SAMD5: variants seen among roughly 807,000 people sequenced by gnomAD.
The protein encoded by SAMD5 is sterile alpha motif domain containing 5.
A neutral mutation model predicts 11.3 loss-of-function variants in SAMD5; 13 were observed. The observed-to-expected ratio is 1.15, with a 90% CI of 0.75 to 1.83. The LOEUF is 1.83. Ranked by LOEUF, SAMD5 falls within the 40% of genes most tolerant of loss-of-function variation. SAMD5 has a pLI of 0.00. For synonymous variants in SAMD5, 129 were observed against 111.3 expected, an observed-to-expected ratio of 1.16 and a Z score of -1.00; for missense variants, 255 against 239.1, an observed-to-expected ratio of 1.07 and a Z score of -0.44.
chr6:147,576,222 C>A (rs2128445803), intron 1 of SAMD5, among the ~76,000 whole-genome samples: 1 of 151,292 alleles, frequency 6.6e-6, no homozygotes, highest in African/African-American at 2.4e-5. Flanking sequence ...CTCACTGCAA[C>A]CTCTACCTCC....
chr6:147,920,765 T>C, the SAMD5 span, among the ~76,000 whole-genome samples: 1 of 152,186 alleles, frequency 6.6e-6, no homozygotes, highest in Non-Finnish European at 1.5e-5. Flanking sequence ...GGCATTACTG[T>C]TCAGGCAATG....
At chr6:147,776,885 A>G in the SAMD5 span, among the ~76,000 whole-genome samples, 3 of 152,186 alleles carry the variant, frequency 2.0e-5, no homozygotes, top group Non-Finnish European at 4.4e-5. Context: ...CTCAATTGCT[A>G]TTGCTTAAGT....
At chr6:147,608,142 T>A in intron 1 of SAMD5, among the ~76,000 whole-genome samples, 1 of 152,260 alleles carries the variant, frequency 6.6e-6, no homozygotes, top group South Asian at 2.1e-4. Context: ...CAATAACACA[T>A]GCTGGTGAGG....
chr6:147,885,618 G>A, the SAMD5 span, among the ~76,000 whole-genome samples: 1 of 152,120 alleles, frequency 6.6e-6, no homozygotes, highest in Admixed American at 6.6e-5. Context: ...AGCAGGATTA[G>A]AGCCACAAAG....
the SAMD5 span, among the ~76,000 whole-genome samples, chr6:147,926,598 A>G: frequency 6.6e-6 from 1 of 151,934 alleles, no homozygotes; most frequent in Admixed American, 6.6e-5. Context: ...GTATGGTTTG[A>G]AAATATGTTC....
the SAMD5 span, among the ~76,000 whole-genome samples, chr6:147,873,269 C>T: frequency 2.0e-5 from 3 of 151,552 alleles, no homozygotes; most frequent in Non-Finnish European, 2.9e-5. Flanking sequence ...CCCAGCTACT[C>T]GGGAGGCTGA....
chr6:147,509,352 G>C lies in SAMD5; in HGVS notation c.424G>C (p.Gly142Arg). ...GATCAGGGATAAGCTCGTCCGTGACGGCATCCACCTGAGCAAGCCCCCGTA... is the reference window on the plus strand; with the variant it reads ...GATCAGGGATAAGCTCGTCCGTGACCGCATCCACCTGAGCAAGCCCCCGTA... ...IMIRDKLVRD[G>R]IHLSKPPYSR... Residue 142 changes from glycine to arginine, a missense_variant, in exon 1 of 2, where the codon GGC (glycine) becomes CGC (arginine). Transcript: ENST00000367474. The C allele has an allele frequency of 6.3e-7, 1 of 1,576,236 alleles. No homozygotes were observed.
At chr6:147,728,221 T>C (rs1791657510) in intron 1 of SAMD5, among the ~76,000 whole-genome samples, 1 of 151,554 alleles carries the variant, frequency 6.6e-6, no homozygotes, top group Non-Finnish European at 1.5e-5. Flanking sequence ...AGGTCAGGAG[T>C]TTGAGACCAG....
At chr6:147,755,259 A>T in the SAMD5 span, among the ~76,000 whole-genome samples, 1 of 152,000 alleles carries the variant, frequency 6.6e-6, no homozygotes, top group South Asian at 2.1e-4. Flanking sequence ...GGTTTTCATT[A>T]TAGAGATCTT....
the SAMD5 span, among the ~76,000 whole-genome samples, chr6:147,805,704 G>A: frequency 6.6e-6 from 1 of 152,100 alleles, no homozygotes; most frequent in African/African-American, 2.4e-5. Context: ...GCAAGATAGA[G>A]TAAAAGCTAC....
At chr6:147,864,675 G>A in the SAMD5 span, among the ~76,000 whole-genome samples, 4 of 152,156 alleles carry the variant, frequency 2.6e-5, no homozygotes, top group African/African-American at 9.7e-5. Flanking sequence ...TATTTGTTGT[G>A]GTGTGTGAAT....
At chr6:147,889,943 A>G in the SAMD5 span, among the ~76,000 whole-genome samples, 1 of 152,150 alleles carries the variant, frequency 6.6e-6, no homozygotes, top group Non-Finnish European at 1.5e-5. Context: ...TGGTGTCCCT[A>G]AACTCCAAAC....
Position 147,559,630 on chromosome 6 carries a change from C to T in SAMD5, c.460-4764C>T, listed in dbSNP as rs530419074. Among the ~76,000 whole-genome samples the T allele has an allele frequency of 7.7e-4, 117 of 151,962 alleles. 1 individual carries two copies. Among genetic ancestry groups the T allele is most frequent in the South Asian group, 6.2e-4 (3 of 4,810 alleles). On this transcript the variant is annotated intron_variant, in intron 1 of 1. Coordinates refer to ENST00000367474, the MANE Select transcript of SAMD5 (RefSeq NM_001030060.3). ...TATTTCACTTACTAAGGACACACCT[C>T]GGAGGAAGACAGGACAGTGAGAAGA...
At chr6:147,747,614 A>C in the SAMD5 span, among the ~76,000 whole-genome samples, 140 of 152,240 alleles carry the variant, frequency 9.2e-4, 3 homozygotes, top group African/African-American at 3.2e-3. Flanking sequence ...TGGCTCAAGC[A>C]ATCTTTCCAC....
chr6:147,538,833 C>T (rs933526049), intron 1 of SAMD5, among the ~76,000 whole-genome samples: 1 of 151,978 alleles, frequency 6.6e-6, no homozygotes, highest in Non-Finnish European at 1.5e-5. Flanking sequence ...AAAAGATGAC[C>T]GAGGTCATGT....
chr6:147,939,500 A>G, the SAMD5 span, among the ~76,000 whole-genome samples: 1 of 152,188 alleles, frequency 6.6e-6, no homozygotes, highest in Non-Finnish European at 1.5e-5. Context: ...AGATATTCCT[A>G]TCACCCAAGA....
rs1443395745 is a variant in SAMD5, at chr6:147,565,607, A to G, written c.*1151A>G. ...TTGGTAGCTGGGATTACAGGCACGC[A>G]TCACCACACCCAGCTAATTTTTTTG... On this transcript the variant is annotated 3_prime_UTR_variant, in exon 2 of 2. Transcript: ENST00000367474. 5 of 409,736 alleles carry G rather than the reference A, an allele frequency of 1.2e-5. No homozygotes were observed. Among genetic ancestry groups the G allele is most frequent in the African/African-American group, 1.1e-4 (5 of 45,976 alleles). The allele number at this position is 409,736 out of a possible 1,614,324, so 25.4% of individuals were successfully genotyped here.
At chr6:147,722,026 T>C (rs1366216002) in intron 1 of SAMD5, among the ~76,000 whole-genome samples, 1 of 152,204 alleles carries the variant, frequency 6.6e-6, no homozygotes, top group African/African-American at 2.4e-5. Context: ...AAAATATGCT[T>C]GGTATTATTT....
the SAMD5 span, among the ~76,000 whole-genome samples, chr6:147,888,996 C>T: frequency 6.6e-6 from 1 of 151,986 alleles, no homozygotes; most frequent in Non-Finnish European, 1.5e-5. Flanking sequence ...ATTTGTTGAC[C>T]TTTTTGGACC....
Sources: allele counts gnomAD v4.1 joint callset (sites outside exome capture counted in the v4.1 genomes callset), GRCh38; gene constraint gnomAD v4.1.1; transcripts MANE v1.5; gene names NCBI Gene and HGNC (gene_info 2026-07-23, HGNC 2026-07-21).